FGGY: variants seen among roughly 807,000 people sequenced by gnomAD.
The protein encoded by FGGY is FGGY carbohydrate kinase domain-containing protein.
In FGGY, 72 loss-of-function variants were observed where a neutral mutation model predicts 71.3. That is an observed-to-expected ratio of 1.01 (90% CI 0.84 to 1.23). The LOEUF (loss-of-function observed/expected upper bound fraction) is 1.23. FGGY is among the 50% of genes most tolerant of loss of function. The pLI, the probability that FGGY is intolerant of heterozygous loss-of-function variation, is 0.00. For synonymous variants in FGGY, 251 were observed against 250.3 expected (o/e 1.00, Z -0.02); for missense variants, 668 against 682.3 (o/e 0.98, Z 0.23).
chr1:59,350,502 A>C (rs1181330010), intron 4 of FGGY, among the ~76,000 whole-genome samples: 1 of 152,164 alleles, frequency 6.6e-6, no homozygotes, highest in African/African-American at 2.4e-5. Context: ...TTCTGAAGAG[A>C]GACTGTGGTT....
chr1:59,543,261 A>G (rs991489418), intron 7 of FGGY, among the ~76,000 whole-genome samples: 2 of 152,108 alleles, frequency 1.3e-5, no homozygotes, highest in African/African-American at 4.8e-5. Flanking sequence ...TGCTCTGCCT[A>G]TCACTTAATT....
At chr1:59,541,550 A>G (rs144443685) in intron 7 of FGGY, among the ~76,000 whole-genome samples, 42 of 152,320 alleles carry the variant, frequency 2.8e-4, no homozygotes, top group African/African-American at 9.1e-4. Context: ...CTCACAAGAA[A>G]ACAGAACTGA....
At chr1:59,447,739 C>A (rs1045357652) in intron 5 of FGGY, among the ~76,000 whole-genome samples, 1 of 152,180 alleles carries the variant, frequency 6.6e-6, no homozygotes, top group Non-Finnish European at 1.5e-5. Flanking sequence ...ATAAGACGTG[C>A]CTTTTACCTT....
intron 14 of FGGY, among the ~76,000 whole-genome samples, chr1:59,697,171 A>C (rs1344602026): frequency 1.3e-5 from 2 of 152,166 alleles, no homozygotes; most frequent in Admixed American, 1.3e-4. Context: ...TCCTGGTTGT[A>C]TTCTTTTGTT....
At chr1:59,398,682 T>C (rs1363521432) in intron 5 of FGGY, among the ~76,000 whole-genome samples, 1 of 152,236 alleles carries the variant, frequency 6.6e-6, no homozygotes, top group Admixed American at 6.5e-5. Context: ...CTCTTGGGTA[T>C]ACTTTAAATA....
At position 59,332,504 on chromosome 1, in the gene FGGY, T is replaced by C. The variant is rs977016413; in HGVS notation, c.202-7454T>C. On this transcript the variant is annotated intron_variant, in intron 2 of 15. Transcript: ENST00000303721. ...TGGGGTGAGGGGTTGGGAATGGCGA[T>C]GTTCCTCAGCTGTGGATGAGCATGA... Among the ~76,000 whole-genome samples, 27 of 152,304 alleles carry C rather than the reference T, an allele frequency of 1.8e-4. No individual in the cohort carries two copies. The East Asian group carries it at 4.8e-3, about 27-fold the overall frequency.
At chr1:59,652,757 A>G (rs1400876488) in intron 11 of FGGY, among the ~76,000 whole-genome samples, 3 of 151,874 alleles carry the variant, frequency 2.0e-5, no homozygotes, top group Admixed American at 6.6e-5. Flanking sequence ...TCAGCTCGTC[A>G]AAGTCATTCT....
In FGGY at chr1:59,607,835, C is replaced by T; in HGVS notation, c.936C>T (p.Val312=). Residue 312 remains valine (V), a synonymous_variant, in exon 9 of 16, where the codon GTC becomes GTT. Transcript: ENST00000303721. ...ISKDPIFVPG[V]WGPYFSAMVP... Reference sequence around the variant, plus strand: ...AAGACCCGATTTTTGTACCAGGCGTCTGGGGGCCTTATTTCTCAGCCATGG... The same window carrying T: ...AAGACCCGATTTTTGTACCAGGCGTTTGGGGGCCTTATTTCTCAGCCATGG... 1 of 1,614,040 alleles carries T rather than the reference C, an allele frequency of 6.2e-7. No homozygotes were observed. Among genetic ancestry groups the T allele is most frequent in the Non-Finnish European group, 8.5e-7 (1 of 1,179,958 alleles).
At chr1:59,493,815 C>T (rs1373780504) in intron 6 of FGGY, among the ~76,000 whole-genome samples, 1 of 152,012 alleles carries the variant, frequency 6.6e-6, no homozygotes, top group Admixed American at 6.6e-5. Flanking sequence ...TATTTTACCA[C>T]AATTAAAAAA....
intron 14 of FGGY, among the ~76,000 whole-genome samples, chr1:59,744,435 G>A (rs2098177347): frequency 6.6e-6 from 1 of 152,182 alleles, no homozygotes; most frequent in South Asian, 2.1e-4. Context: ...TGGCCAGGCT[G>A]GTCTCGAACC....
chr1:59,433,486 CAG>C (rs2067800612), intron 5 of FGGY, among the ~76,000 whole-genome samples: 1 of 152,142 alleles, frequency 6.6e-6, no homozygotes, highest in Non-Finnish European at 1.5e-5. Context: ...GCAATGATCT[CAG>C]TGTGCCAGGC....
intron 5 of FGGY, among the ~76,000 whole-genome samples, chr1:59,386,384 G>A (rs1054197431): frequency 1.3e-5 from 2 of 152,096 alleles, no homozygotes; most frequent in Admixed American, 1.3e-4. Flanking sequence ...TGAGACTTGG[G>A]TAGTTTGTTT....
At chr1:59,742,249 C>T (rs965525485) in intron 14 of FGGY, among the ~76,000 whole-genome samples, 2 of 152,196 alleles carry the variant, frequency 1.3e-5, no homozygotes, top group African/African-American at 4.8e-5. Context: ...GCAGATCTTC[C>T]TTCCGCTACA....
intron 14 of FGGY, among the ~76,000 whole-genome samples, chr1:59,735,474 A>G (rs1224497402): frequency 6.6e-6 from 1 of 152,226 alleles, no homozygotes; most frequent in Non-Finnish European, 1.5e-5. Flanking sequence ...TTATGAGAGC[A>G]TTCTCAGACC....
At chr1:59,620,301 C>T (rs568088792) in intron 9 of FGGY, among the ~76,000 whole-genome samples, 2 of 152,152 alleles carry the variant, frequency 1.3e-5, no homozygotes, top group African/African-American at 2.4e-5. Flanking sequence ...AAGGGTTCCA[C>T]CTCCAAAATA....
chr1:59,328,751 G>A (rs1391237580), intron 2 of FGGY, among the ~76,000 whole-genome samples: 1 of 151,654 alleles, frequency 6.6e-6, no homozygotes, highest in African/African-American at 2.4e-5. Flanking sequence ...AACATTTGGA[G>A]ACCATTGTAG....
chr1:59,684,505 T>G (rs2097529841), intron 14 of FGGY, among the ~76,000 whole-genome samples: 1 of 152,152 alleles, frequency 6.6e-6, no homozygotes, highest in Non-Finnish European at 1.5e-5. Context: ...GCATAGTGCC[T>G]CCTCTGAAAG....
At chr1:59,414,182 C>G (rs943239689) in intron 5 of FGGY, among the ~76,000 whole-genome samples, 3 of 152,176 alleles carry the variant, frequency 2.0e-5, no homozygotes, top group East Asian at 1.9e-4. Context: ...TTAATTTGCT[C>G]TATTCTGTTT....
intron 7 of FGGY, 170 bp from the exon 8 acceptor site, chr1:59,553,954 G>T (rs1055331585): frequency 6.3e-6 from 3 of 479,634 alleles, no homozygotes; most frequent in Non-Finnish European, 1.1e-5. Context: ...GGTTTCCTAT[G>T]CAGGCAAGTA....
Sources: allele counts gnomAD v4.1 joint callset (sites outside exome capture counted in the v4.1 genomes callset), GRCh38; gene constraint gnomAD v4.1.1; transcripts MANE v1.5; gene names NCBI Gene and HGNC (gene_info 2026-07-23, HGNC 2026-07-21).